The following GALNT17 variants were observed in gnomAD, a reference collection of about 807,000 sequenced individuals.
The protein encoded by GALNT17 is polypeptide N-acetylgalactosaminyltransferase 17.
GALNT17 carries 29 observed loss-of-function variants against 63.7 expected under a neutral mutation model. That is an observed-to-expected ratio of 0.46 (90% CI 0.34 to 0.62). GALNT17 has a LOEUF of 0.62. GALNT17 is among the 20% of genes least tolerant of loss of function. The pLI is 0.01. For missense variants in GALNT17, 603 were observed against 799.6 expected, an observed-to-expected ratio of 0.75 and a Z score of 2.97; for synonymous variants, 305 against 318.3, an observed-to-expected ratio of 0.96 and a Z score of 0.45.
chr7:71,179,090 C>T (rs763438774), intron 1 of GALNT17, among the ~76,000 whole-genome samples: 1 of 152,094 alleles, frequency 6.6e-6, no homozygotes, highest in Non-Finnish European at 1.5e-5. Flanking sequence ...AGGAAAATAC[C>T]CTGGGTCCCC....
At position 71,250,484 on chromosome 7, in the gene GALNT17, G is replaced by A. The variant is rs144680190; in HGVS notation, c.239-85066G>A. Among the ~76,000 whole-genome samples, 441 of 152,014 alleles carry A rather than the reference G, an allele frequency of 2.9e-3. 4 individuals are homozygous for A. Among genetic ancestry groups the A allele is most frequent in the African/African-American group, 1.0e-2 (414 of 41,474 alleles). ...TACGATTGATATCCTGGAGGCTTTCGTGCCCTTTGCTGTAGTAACTTGCTA... is the reference window on the plus strand; with the variant it reads ...TACGATTGATATCCTGGAGGCTTTCATGCCCTTTGCTGTAGTAACTTGCTA... On this transcript the variant is annotated intron_variant, in intron 1 of 10. Transcript: ENST00000333538.
intron 1 of GALNT17, among the ~76,000 whole-genome samples, chr7:71,203,527 T>A (rs1789214217): frequency 6.6e-6 from 1 of 152,228 alleles, no homozygotes; most frequent in Non-Finnish European, 1.5e-5. Context: ...AAGTTCCTTA[T>A]AAATTTTGGA....
Position 71,665,581 on chromosome 7 carries a change from G to A in GALNT17, c.1251G>A (p.Trp417Ter). 2 of 1,613,096 alleles carry A rather than the reference G, an allele frequency of 1.2e-6. No individual in the cohort carries two copies. Among genetic ancestry groups the A allele is most frequent in the Non-Finnish European group, 1.7e-6 (2 of 1,179,708 alleles). Reference protein sequence around the residue: ...DDYKSHVYIAWNLPLENPGID... With the variant: ...DDYKSHVYIA ...ACAAGTCTCATGTGTACATAGCGTG[G>A]AACCTGCCGCTGGAGGTAGGGATCA... Residue 417 changes from tryptophan to a stop codon, truncating the protein, a stop_gained, in exon 7 of 11, where the codon TGG becomes TGA. Coordinates refer to ENST00000333538, the MANE Select transcript of GALNT17 (RefSeq NM_022479.3). LOFTEE classifies it high-confidence loss of function.
chr7:71,233,887 T>C (rs1159778322), intron 1 of GALNT17, among the ~76,000 whole-genome samples: 1 of 152,096 alleles, frequency 6.6e-6, no homozygotes, highest in Admixed American at 6.6e-5. Flanking sequence ...AGGAAAATCA[T>C]GGTGGAAGGC....
intron 1 of GALNT17, among the ~76,000 whole-genome samples, chr7:71,308,257 G>A (rs975958543): frequency 2.0e-5 from 3 of 152,134 alleles, no homozygotes; most frequent in Non-Finnish European, 4.4e-5. Context: ...ATTGCAGCTC[G>A]GTGGGAGCAG....
intron 1 of GALNT17, among the ~76,000 whole-genome samples, chr7:71,328,648 A>ATTT (rs5884832): frequency 4.3e-5 from 6 of 140,548 alleles, no homozygotes; most frequent in African/African-American, 1.6e-4. Context: ...AATACCAGTG[A>ATTT]TTTTTTTTTT....
intron 2 of GALNT17, among the ~76,000 whole-genome samples, chr7:71,381,136 T>A (rs966332535): frequency 1.3e-5 from 2 of 151,698 alleles, no homozygotes; most frequent in African/African-American, 4.8e-5. Context: ...GATTTTTATA[T>A]TTCTTGGTAG....
chr7:71,310,774 C>T (rs567211530), intron 1 of GALNT17, among the ~76,000 whole-genome samples: 9 of 152,314 alleles, frequency 5.9e-5, no homozygotes, highest in East Asian at 1.9e-4. Context: ...CACCCAGGTA[C>T]ACCTAGTAAC....
intron 6 of GALNT17, among the ~76,000 whole-genome samples, chr7:71,597,516 T>A (rs200554359): frequency 5.3e-5 from 8 of 149,850 alleles, no homozygotes; most frequent in African/African-American, 7.3e-5. Flanking sequence ...CTTAAAAGAG[T>A]AATAAATAAA....
At chr7:71,379,619 C>T (rs1230254059) in intron 2 of GALNT17, among the ~76,000 whole-genome samples, 7 of 151,930 alleles carry the variant, frequency 4.6e-5, no homozygotes, top group East Asian at 1.9e-4. Flanking sequence ...ATTTGGTGAC[C>T]GATAGGCATG....
At chr7:71,300,381 CACAG>C (rs1241385117) in intron 1 of GALNT17, 1 of 452,668 alleles carries the variant, frequency 2.2e-6, no homozygotes, top group Admixed American at 2.4e-5. Flanking sequence ...TGCTGGCAGA[CACAG>C]AGAGAGGACT....
Position 71,377,114 on chromosome 7 carries a change from A to AAAAAAAAATATATATATAT in GALNT17, c.423-11120_423-11119insAAAAAAATATATATATATA. 3.5e-5 allele frequency among the ~76,000 whole-genome samples: 2 copies of AAAAAAAAATATATATATAT among 57,468 alleles called. 1 individual carries two copies. Among genetic ancestry groups the AAAAAAAAATATATATATAT allele is most frequent in the Non-Finnish European group, 6.0e-5 (2 of 33,276 alleles). The allele number at this position is 57,468 out of a possible 152,430, so 37.7% of individuals were successfully genotyped here. ...AAAAAAAAAAAATAAAAATAAAAAA[A>AAAAAAAAATATATATATAT]ATATATATATATATATATATATATA... On this transcript the variant is annotated intron_variant, in intron 2 of 10. Coordinates refer to ENST00000333538, the MANE Select transcript of GALNT17 (RefSeq NM_022479.3).
chr7:71,282,980 C>T (rs1790804032), intron 1 of GALNT17, among the ~76,000 whole-genome samples: 2 of 151,964 alleles, frequency 1.3e-5, no homozygotes, highest in Non-Finnish European at 2.9e-5. Flanking sequence ...GGTGGCTTAG[C>T]TGGGGGATCT....
intron 1 of GALNT17, among the ~76,000 whole-genome samples, chr7:71,207,974 G>C (rs977126951): frequency 7.0e-6 from 1 of 143,630 alleles, no homozygotes; most frequent in Non-Finnish European, 1.5e-5. Flanking sequence ...TTGCTCTGTT[G>C]CCCAGGCTGG....
chr7:71,301,160 G>A (rs867498005), intron 1 of GALNT17, among the ~76,000 whole-genome samples: 43 of 149,952 alleles, frequency 2.9e-4, no homozygotes, highest in Middle Eastern at 3.5e-3. Flanking sequence ...TGATGGTGCC[G>A]CCTGTAGTCC....
intron 1 of GALNT17, among the ~76,000 whole-genome samples, chr7:71,322,739 G>A (rs1051370419): frequency 3.3e-5 from 5 of 152,056 alleles, no homozygotes; most frequent in Non-Finnish European, 5.9e-5. Context: ...ATGGGATCAG[G>A]GTCCTTATAG....
chr7:71,337,897 A>T, intron 2 of GALNT17, among the ~76,000 whole-genome samples: 1 of 151,732 alleles, frequency 6.6e-6, no homozygotes, highest in Non-Finnish European at 1.5e-5. Context: ...ACAAACAACA[A>T]CAACAAAAAA....
chr7:71,377,114 A>AATATATATATATATATATATATAT (rs1554362119), intron 2 of GALNT17, among the ~76,000 whole-genome samples: 2 of 57,484 alleles, frequency 3.5e-5, no homozygotes, highest in African/African-American at 9.4e-5. Flanking sequence ...AAATAAAAAA[A>AATATATATATATATATATATATAT]ATATATATAT....
At chr7:71,657,583 C>T (rs1790847281) in intron 6 of GALNT17, among the ~76,000 whole-genome samples, 1 of 152,138 alleles carries the variant, frequency 6.6e-6, no homozygotes, top group African/African-American at 2.4e-5. Context: ...TTCCGGGGTC[C>T]CTGAAGCTAC....
Sources: gnomAD v4.1 joint callset for allele counts (sites outside exome capture counted in the v4.1 genomes callset) on GRCh38, gnomAD v4.1.1 for gene constraint, MANE v1.5 for transcripts, NCBI Gene and HGNC (gene_info 2026-07-23, HGNC 2026-07-21) for gene names.